ZFYVE9: variants seen among roughly 807,000 people sequenced by gnomAD.
ZFYVE9 encodes the protein zinc finger FYVE domain-containing protein 9.
In ZFYVE9, 43 loss-of-function variants were observed where a neutral mutation model predicts 126.7. That is an observed-to-expected ratio of 0.34 (90% CI 0.27 to 0.44). The LOEUF (loss-of-function observed/expected upper bound fraction) is 0.44, where lower values mean the gene tolerates loss of function less well. Among genes scored for constraint, ZFYVE9 ranks in the 20% least tolerant of loss-of-function variants. The pLI is 1.00. For missense variants in ZFYVE9, 1,476 were observed against 1,697.0 expected, an observed-to-expected ratio of 0.87 and a Z score of 2.29; for synonymous variants, 521 against 597.4, an observed-to-expected ratio of 0.87 and a Z score of 1.87.
At chr1:52,202,429 G>A (rs1270648420) in intron 1 of ZFYVE9, among the ~76,000 whole-genome samples, 12 of 151,586 alleles carry the variant, frequency 7.9e-5, no homozygotes, top group Admixed American at 1.3e-4. Context: ...ACAGGCTTGC[G>A]CCACTACCGT....
At chr1:52,231,307 C>T (rs1645218980) in intron 2 of ZFYVE9, among the ~76,000 whole-genome samples, 1 of 152,088 alleles carries the variant, frequency 6.6e-6, no homozygotes, top group African/African-American at 2.4e-5. Context: ...CACTTGAGGT[C>T]AGGAGTTTGA....
At position 52,337,944 on chromosome 1, in the gene ZFYVE9, GCACATGT is replaced by G. The variant is rs746737609; in HGVS notation, c.3833+12_3833+18del. 52 of 1,612,402 alleles carry G rather than the reference GCACATGT, an allele frequency of 3.2e-5. No individual in the cohort carries two copies. Among genetic ancestry groups the G allele is most frequent in the Non-Finnish European group, 4.1e-5 (48 of 1,178,966 alleles). The stretch of plus-strand genomic sequence containing the variant: ...AGAACGTTAGCAAGGGGTAAATGCA[GCACATGT>G]CCCCCTTTGTGGCTTTTAGTTATAG... On this transcript the variant is annotated intron_variant, in intron 16 of 18. Transcript: ENST00000287727.
chr1:52,228,517 T>A (rs1039852855), intron 2 of ZFYVE9, among the ~76,000 whole-genome samples: 15 of 152,196 alleles, frequency 9.9e-5, no homozygotes, highest in Admixed American at 8.5e-4. Context: ...GCTAGAGTTA[T>A]CAGTTTTTAC....
intron 1 of ZFYVE9, among the ~76,000 whole-genome samples, chr1:52,195,447 A>G (rs376600960): frequency 2.6e-5 from 4 of 152,202 alleles, no homozygotes; most frequent in South Asian, 2.1e-4. Flanking sequence ...ACTGCTTACT[A>G]TATATCCCAG....
intron 13 of ZFYVE9, among the ~76,000 whole-genome samples, chr1:52,322,691 T>C (rs912825725): frequency 6.6e-6 from 1 of 151,888 alleles, no homozygotes; most frequent in Non-Finnish European, 1.5e-5. Context: ...CTTTCAAAAC[T>C]AAGTCATATC....
chr1:52,295,797 A>G, intron 11 of ZFYVE9, 98 bp from the exon 12 acceptor site: 1 of 963,790 alleles, frequency 1.0e-6, no homozygotes, highest in Non-Finnish European at 1.6e-6. Flanking sequence ...CTAATGAGCC[A>G]TTATAATTAT....
At chr1:52,336,387 T>TCC (rs71041895) in intron 15 of ZFYVE9, among the ~76,000 whole-genome samples, 1 of 145,388 alleles carries the variant, frequency 6.9e-6, no homozygotes, top group Non-Finnish European at 1.5e-5. Flanking sequence ...TTTTTTTTTT[T>TCC]AAGATGGAGG....
At chr1:52,252,048 C>A in intron 4 of ZFYVE9, 1 of 163,220 alleles carries the variant, frequency 6.1e-6, no homozygotes, top group East Asian at 1.9e-4. Flanking sequence ...ACTTAAAATT[C>A]ATACATTTAC....
At chr1:52,151,980 G>C (rs191041081) in intron 1 of ZFYVE9, among the ~76,000 whole-genome samples, 68 of 152,026 alleles carry the variant, frequency 4.5e-4, no homozygotes, top group African/African-American at 1.3e-3. Context: ...ACTTTGTTCA[G>C]CTATGTATTA....
intron 12 of ZFYVE9, among the ~76,000 whole-genome samples, chr1:52,301,422 C>T (rs1214229050): frequency 6.6e-6 from 1 of 150,660 alleles, no homozygotes; most frequent in Non-Finnish European, 1.5e-5. Flanking sequence ...CCGACCTTGG[C>T]CTACCAAGTA....
At chr1:52,344,666 C>T in intron 17 of ZFYVE9, 102 bp from the exon 18 acceptor site, 1 of 1,288,548 alleles carries the variant, frequency 7.8e-7, no homozygotes, top group Non-Finnish European at 1.1e-6. Flanking sequence ...GTCATGTCTT[C>T]TTGCACATCT....
intron 10 of ZFYVE9, among the ~76,000 whole-genome samples, chr1:52,292,524 C>T (rs1390410203): frequency 3.6e-5 from 5 of 139,208 alleles, no homozygotes; most frequent in South Asian, 2.3e-4. Flanking sequence ...TAGGCTGGAG[C>T]GCAGTGGCAC....
chr1:52,298,808 T>TG (rs1483545519), intron 12 of ZFYVE9, among the ~76,000 whole-genome samples: 36 of 137,032 alleles, frequency 2.6e-4, no homozygotes, highest in African/African-American at 9.3e-4. Context: ...TTGTCAATGT[T>TG]TTTTTTTTTT....
At chr1:52,184,027 G>T (rs749246746) in intron 1 of ZFYVE9, among the ~76,000 whole-genome samples, 2 of 150,890 alleles carry the variant, frequency 1.3e-5, no homozygotes, top group Non-Finnish European at 3.0e-5. Flanking sequence ...ATTTTTAAAA[G>T]ACACAGTAAG....
Position 52,293,447 on chromosome 1 carries a change from T to C in ZFYVE9, c.3026-6T>C. The C allele has an allele frequency of 6.3e-7, 1 of 1,599,042 alleles. No homozygotes were observed. Among genetic ancestry groups the C allele is most frequent in the South Asian group, 1.1e-5 (1 of 87,416 alleles). Reference sequence around the variant, plus strand: ...CAAAGTAGCTAATAAACTTTTTTGTTTTTAGGGAATGTGGTGAGCAACTTG... The same window carrying C: ...CAAAGTAGCTAATAAACTTTTTTGTCTTTAGGGAATGTGGTGAGCAACTTG... On this transcript the variant is annotated splice_region_variant and splice_polypyrimidine_tract_variant and intron_variant, in intron 10 of 18. Transcript: ENST00000287727.
rs769091459 is a variant in ZFYVE9 at position 52,167,391 on chromosome 1, C to G, written c.-143+24988C>G. Among the ~76,000 whole-genome samples the G allele has an allele frequency of 3.9e-4, 59 of 152,124 alleles. 1 individual carries two copies. The highest frequency in any genetic ancestry group is 3.3e-4 in the Admixed American group (5 of 15,272). On this transcript the variant is annotated intron_variant, in intron 1 of 18. Coordinates refer to ENST00000287727, the MANE Select transcript of ZFYVE9 (RefSeq NM_004799.4). ...TTCAGCAGTAGTCTTGGTAAGTGGA[C>G]GAAGCCAGTGATTTGGCCTGCCTTG...
intron 2 of ZFYVE9, among the ~76,000 whole-genome samples, chr1:52,224,716 C>T (rs1645153877): frequency 6.6e-6 from 1 of 152,170 alleles, no homozygotes; most frequent in Non-Finnish European, 1.5e-5. Flanking sequence ...AGTATTTTAA[C>T]ATAAGGCATA....
chr1:52,203,896 T>C (rs1444891318), intron 1 of ZFYVE9, among the ~76,000 whole-genome samples: 1 of 152,142 alleles, frequency 6.6e-6, no homozygotes, highest in African/African-American at 2.4e-5. Flanking sequence ...TTTTGATCTC[T>C]AGCATTTCTT....
chr1:52,248,829 G>T (rs1645415944), intron 4 of ZFYVE9, among the ~76,000 whole-genome samples: 1 of 152,110 alleles, frequency 6.6e-6, no homozygotes, highest in African/African-American at 2.4e-5. Context: ...TTGATTTTTT[G>T]ATTAAGCACC....
Sources: allele counts gnomAD v4.1 joint callset (sites outside exome capture counted in the v4.1 genomes callset), GRCh38; gene constraint gnomAD v4.1.1; transcripts MANE v1.5; gene names NCBI Gene and HGNC (gene_info 2026-07-23, HGNC 2026-07-21).